STARD9: variants seen among roughly 807,000 people sequenced by gnomAD.
The protein encoded by STARD9 is stAR-related lipid transfer protein 9.
STARD9 carries 346 observed loss-of-function variants against 399.8 expected under a neutral mutation model. The observed-to-expected ratio is 0.87, with a 90% confidence interval of 0.79 to 0.95. The LOEUF is 0.95. STARD9 is among the 40% of genes least tolerant of loss of function. The pLI is 0.00. For missense variants in STARD9, 5,832 were observed against 5,667.5 expected (o/e 1.03, Z -0.93); for synonymous variants, 2,203 against 2,143.5 (o/e 1.03, Z -0.77).
chr15:42,678,629 G>A (rs1477202104), intron 20 of STARD9, among the ~76,000 whole-genome samples: 1 of 152,212 alleles, frequency 6.6e-6, no homozygotes, highest in Non-Finnish European at 1.5e-5. Context: ...TGCTGCAGAA[G>A]CTGCCAGACC....
At chr15:42,669,053 TAAG>T in intron 15 of STARD9, 102 bp from the exon 16 acceptor site, 1 of 994,330 alleles carries the variant, frequency 1.0e-6, no homozygotes, top group East Asian at 2.7e-5. Flanking sequence ...GGGAGGATCA[TAAG>T]AAAGCAGTAC....
At chr15:42,710,288 C>G (rs1271546180) in intron 26 of STARD9, among the ~76,000 whole-genome samples, 1 of 150,866 alleles carries the variant, frequency 6.6e-6, no homozygotes, top group Non-Finnish European at 1.5e-5. Flanking sequence ...GTGTTGAACT[C>G]CTGGGCTCAA....
Position 42,687,424 on chromosome 15 carries a change from C to A in STARD9, c.5846C>A (p.Ser1949Tyr), listed in dbSNP as rs1253117167. The A allele has an allele frequency of 6.5e-7, 1 of 1,537,100 alleles. No individual in the cohort carries two copies. The highest frequency in any genetic ancestry group is 8.7e-7 in the Non-Finnish European group (1 of 1,146,906). Residue 1949 changes from serine (S) to tyrosine (Y), a missense_variant, in exon 23 of 33, where the codon TCC (serine) becomes TAC (tyrosine). By Grantham distance (144) the Ser-to-Tyr change is moderately radical (BLOSUM62 -2). Around this residue, in one of 2 missense-constraint regions of STARD9, gnomAD observed 5,828 missense variants for 5,651.1 expected, o/e 1.03. Coordinates refer to ENST00000290607, the MANE Select transcript of STARD9 (RefSeq NM_020759.3). Reference sequence around the variant, plus strand: ...GGGGAAAGTGCTGTTTCTTTGAAATCCAGATCAGTAGATCGTAGAGTAAGC... The same window carrying A: ...GGGGAAAGTGCTGTTTCTTTGAAATACAGATCAGTAGATCGTAGAGTAAGC... ...MPGESAVSLK[S>Y]RSVDRRVSSP...
intron 26 of STARD9, among the ~76,000 whole-genome samples, chr15:42,706,804 C>T (rs879874375): frequency 6.6e-6 from 1 of 152,142 alleles, no homozygotes; most frequent in Non-Finnish European, 1.5e-5. Context: ...AAGGAAATAT[C>T]CAACTATTCC....
At chr15:42,714,126 G>A (rs1266906333) in intron 26 of STARD9, among the ~76,000 whole-genome samples, 1 of 145,448 alleles carries the variant, frequency 6.9e-6, no homozygotes, top group Non-Finnish European at 1.5e-5. Flanking sequence ...GCAGTGGTGC[G>A]ATCTCAGCTC....
intron 3 of STARD9, among the ~76,000 whole-genome samples, chr15:42,599,390 G>A (rs1457832045): frequency 6.6e-6 from 1 of 152,040 alleles, no homozygotes; most frequent in Non-Finnish European, 1.5e-5. Context: ...AGTTATTTTG[G>A]TTATTGCCCT....
intron 26 of STARD9, among the ~76,000 whole-genome samples, chr15:42,709,010 A>G (rs1347255411): frequency 6.6e-6 from 1 of 152,150 alleles, no homozygotes; most frequent in African/African-American, 2.4e-5. Flanking sequence ...GTTACCGGAT[A>G]CCGACATGTC....
intron 26 of STARD9, among the ~76,000 whole-genome samples, chr15:42,704,011 G>A (rs1258517200): frequency 1.3e-5 from 2 of 151,950 alleles, no homozygotes; most frequent in African/African-American, 4.8e-5. Flanking sequence ...GGGTTCAAGC[G>A]ATTCTCCTGC....
Position 42,686,014 on chromosome 15 carries a change from C to T in STARD9, c.4436C>T (p.Thr1479Ile), listed in dbSNP as rs1595770304. The part of the protein sequence containing the change: ...SATTLTHVGS[T>I]HERDWSALQQ... Reference sequence around the variant, plus strand: ...ACCACCTTGACTCATGTAGGCAGCACCCATGAAAGGGATTGGTCTGCCCTT... The same window carrying T: ...ACCACCTTGACTCATGTAGGCAGCATCCATGAAAGGGATTGGTCTGCCCTT... Residue 1479 changes from threonine to isoleucine, a missense_variant, in exon 23 of 33, where the codon ACC (threonine) becomes ATC (isoleucine). Coordinates refer to ENST00000290607, the MANE Select transcript of STARD9 (RefSeq NM_020759.3). 2.0e-6 allele frequency: 3 copies of T among 1,537,308 alleles called. No homozygotes were observed. Among genetic ancestry groups the T allele is most frequent in the Middle Eastern group, 1.7e-4 (1 of 5,992 alleles).
intron 4 of STARD9, among the ~76,000 whole-genome samples, chr15:42,635,935 CT>C (rs1287506769): frequency 6.6e-6 from 1 of 152,154 alleles, no homozygotes; most frequent in Non-Finnish European, 1.5e-5. Flanking sequence ...GAGAGGCTTC[CT>C]TTATCACAGA....
At chr15:42,664,644 G>A (rs149365302) in intron 13 of STARD9, among the ~76,000 whole-genome samples, 4 of 152,334 alleles carry the variant, frequency 2.6e-5, no homozygotes, top group Non-Finnish European at 4.4e-5. Context: ...TGGGGTTACA[G>A]GTGTGGGCCA....
intron 3 of STARD9, among the ~76,000 whole-genome samples, chr15:42,587,506 T>C (rs2058300504): frequency 6.6e-6 from 1 of 152,200 alleles, no homozygotes; most frequent in South Asian, 2.1e-4. Context: ...CTCTGTCCTT[T>C]TGAATACGAG....
In STARD9 at chr15:42,718,819, T is replaced by C. The variant is rs1365514993; in HGVS notation, c.13910T>C (p.Met4637Thr). Reference sequence around the variant, plus strand: ...TCCATGCCAAGACCCAGCAGAAAAATGGTTCGCGGGGAGATCCTGCCCAGT... The same window carrying C: ...TCCATGCCAAGACCCAGCAGAAAAACGGTTCGCGGGGAGATCCTGCCCAGT... ...DTSMPRPSRKMVRGEILPSAW... is the reference protein window; with the variant it reads ...DTSMPRPSRKTVRGEILPSAW... The change falls in exon 32 of 33, where the codon ATG becomes ACG. Residue 4637 changes from methionine (M) to threonine (T), a missense_variant. By Grantham distance (81) the Met-to-Thr change is moderately conservative (BLOSUM62 -1). Around this residue, in one of 2 missense-constraint regions of STARD9, gnomAD observed 5,828 missense variants for 5,651.1 expected, o/e 1.03. Transcript: ENST00000290607. 13 of 1,537,000 alleles carry C rather than the reference T, an allele frequency of 8.5e-6. No individual in the cohort carries two copies. The highest frequency in any genetic ancestry group is 4.4e-6 in the Non-Finnish European group (5 of 1,146,892).
Position 42,675,679 on chromosome 15 carries a change from T to C in STARD9, c.1703T>C (p.Leu568Pro). The change falls in exon 19 of 33, where the codon CTG becomes CCG. Residue 568 changes from leucine (L) to proline (P), a missense_variant. Leu to Pro is a moderately conservative substitution (Grantham distance 98). Coordinates refer to ENST00000290607, the MANE Select transcript of STARD9 (RefSeq NM_020759.3). ...CRLTQGAVIT[L>P]GKAQKFRFNH... ...TGTGCTGCAGGAGCTGTCATAACCC[T>C]GGGGAAGGCACAGAAGTTCCGATTC... 6.5e-7 allele frequency: 1 copy of C among 1,537,102 alleles called. No homozygotes were observed. The highest frequency in any genetic ancestry group is 8.7e-7 in the Non-Finnish European group (1 of 1,146,782).
Position 42,684,659 on chromosome 15 carries a change from T to G in STARD9, c.3081T>G (p.Thr1027=), listed in dbSNP as rs1205138950. 2 of 1,537,192 alleles carry G rather than the reference T, an allele frequency of 1.3e-6. No individual in the cohort carries two copies. Among genetic ancestry groups the G allele is most frequent in the Non-Finnish European group, 1.7e-6 (2 of 1,146,890 alleles). The change falls in exon 23 of 33, where the codon ACT becomes ACG. Residue 1027 remains threonine, a synonymous_variant. Transcript: ENST00000290607. The part of the protein sequence containing the change: ...QTAGHGKAVK[T]FWTEYKPPSP... ...CTGGGCACGGAAAGGCAGTCAAGAC[T>G]TTTTGGACAGAATACAAACCACCTT...
chr15:42,717,983 G>C lies in STARD9; in HGVS notation c.13566G>C (p.Gln4522His), dbSNP rs763229796. The part of the protein sequence containing the change: ...SCQATAGWNY[Q>H]GEEQAVQLYY... Reference sequence around the variant, plus strand: ...GCTTGGTGTCTCCCCCCAGCTATCAGGGTGAGGAGCAGGCGGTGCAGCTTT... The same window carrying C: ...GCTTGGTGTCTCCCCCCAGCTATCACGGTGAGGAGCAGGCGGTGCAGCTTT... Residue 4522 changes from glutamine (Q) to histidine (H), a missense_variant, in exon 30 of 33, where the codon CAG (glutamine) becomes CAC (histidine). Physicochemically the swap from Gln to His is conservative, Grantham distance 24. Coordinates refer to ENST00000290607, the MANE Select transcript of STARD9 (RefSeq NM_020759.3). The C allele has an allele frequency of 4.6e-6, 7 of 1,537,178 alleles. No homozygotes were observed. The highest frequency in any genetic ancestry group is 6.1e-6 in the Non-Finnish European group (7 of 1,146,892).
intron 8 of STARD9, among the ~76,000 whole-genome samples, chr15:42,651,636 C>CT (rs1025957352): frequency 1.7e-4 from 25 of 150,676 alleles, no homozygotes; most frequent in Middle Eastern, 3.4e-3. Flanking sequence ...CTAAAAAAGG[C>CT]TTTTTTTTTC....
chr15:42,705,855 CG>C (rs1488994851), intron 26 of STARD9, among the ~76,000 whole-genome samples: 2 of 152,100 alleles, frequency 1.3e-5, no homozygotes, highest in African/African-American at 4.8e-5. Flanking sequence ...TGGGTTCAAG[CG>C]ATTCTCTTGT....
At chr15:42,647,534 G>A (rs1028967068) in intron 7 of STARD9, among the ~76,000 whole-genome samples, 5 of 152,026 alleles carry the variant, frequency 3.3e-5, no homozygotes, top group African/African-American at 1.2e-4. Context: ...AGTCTACTTT[G>A]TCAGGCATTA....
Sources: allele counts gnomAD v4.1 joint callset (sites outside exome capture counted in the v4.1 genomes callset), GRCh38; gene constraint gnomAD v4.1.1; regional missense constraint gnomAD v4.1.1; transcripts MANE v1.5; gene names NCBI Gene and HGNC (gene_info 2026-07-23, HGNC 2026-07-21).